The following PTPRD variants were observed in gnomAD, a reference collection of about 807,000 sequenced individuals.
PTPRD encodes receptor-type tyrosine-protein phosphatase delta.
A neutral mutation model predicts 214.5 loss-of-function variants in PTPRD; 34 were observed. That is an observed-to-expected ratio of 0.16 (90% CI 0.12 to 0.21). PTPRD has a LOEUF of 0.21. Among genes scored for constraint, PTPRD ranks in the 10% least tolerant of loss-of-function variants. PTPRD has a pLI of 1.00. For missense variants in PTPRD, 2,545 were observed against 2,398.7 expected (o/e 1.06, Z -1.27); for synonymous variants, 1,128 against 845.7 (o/e 1.33, Z -5.79).
intron 3 of PTPRD, among the ~76,000 whole-genome samples, chr9:10,214,433 T>C (rs1159761201): frequency 6.7e-6 from 1 of 149,764 alleles, no homozygotes; most frequent in East Asian, 2.0e-4. Flanking sequence ...CCAACTATTT[T>C]TTTTTTTTTT....
At chr9:10,356,053 T>G (rs1216647793) in intron 2 of PTPRD, among the ~76,000 whole-genome samples, 1 of 152,132 alleles carries the variant, frequency 6.6e-6, no homozygotes, top group African/African-American at 2.4e-5. Flanking sequence ...TTAGTTCATT[T>G]GATTTCCATT....
At chr9:8,463,190 C>T (rs1272753458) in intron 32 of PTPRD, among the ~76,000 whole-genome samples, 1 of 150,982 alleles carries the variant, frequency 6.6e-6, no homozygotes, top group African/African-American at 2.4e-5. Context: ...GTATACTACT[C>T]TTCTCTCTCA....
intron 11 of PTPRD, among the ~76,000 whole-genome samples, chr9:8,993,563 A>G (rs1045798677): frequency 3.3e-5 from 5 of 152,148 alleles, no homozygotes; most frequent in South Asian, 2.1e-4. Context: ...ATAGAATGCA[A>G]TGATATATTT....
intron 7 of PTPRD, among the ~76,000 whole-genome samples, chr9:9,718,165 A>G (rs112334101): frequency 6.6e-6 from 1 of 152,320 alleles, no homozygotes; most frequent in African/African-American, 2.4e-5. Flanking sequence ...TGAGTTATAC[A>G]TTGGCTTTCT....
intron 3 of PTPRD, among the ~76,000 whole-genome samples, chr9:10,058,023 G>A (rs775789666): frequency 6.6e-6 from 1 of 152,032 alleles, no homozygotes; most frequent in African/African-American, 2.4e-5. Context: ...TTAAAGGAGA[G>A]TATTCTTAAA....
intron 7 of PTPRD, among the ~76,000 whole-genome samples, chr9:9,689,652 C>T (rs1564559364): frequency 6.6e-6 from 1 of 151,828 alleles, no homozygotes; most frequent in Non-Finnish European, 1.5e-5. Context: ...CCCCTCTACT[C>T]TTCATGGCCT....
chr9:8,561,195 C>T (rs2086156961), intron 14 of PTPRD, among the ~76,000 whole-genome samples: 2 of 152,080 alleles, frequency 1.3e-5, no homozygotes, highest in Non-Finnish European at 2.9e-5. Flanking sequence ...ACTGTCCTGC[C>T]CACCTTTGAG....
chr9:8,468,573 T>G (rs1476027591), intron 31 of PTPRD, among the ~76,000 whole-genome samples: 1 of 151,936 alleles, frequency 6.6e-6, no homozygotes, highest in Admixed American at 6.6e-5. Context: ...TAATGCTGTT[T>G]GGAAAGCCTC....
intron 3 of PTPRD, among the ~76,000 whole-genome samples, chr9:10,309,907 G>C (rs942914541): frequency 1.3e-4 from 19 of 151,968 alleles, no homozygotes; most frequent in Non-Finnish European, 8.8e-5. Flanking sequence ...CTTATCACTT[G>C]GTATCACTGA....
chr9:8,608,069 T>C lies in PTPRD; in HGVS notation c.352+25248A>G, dbSNP rs75980817. On this transcript the variant is annotated intron_variant, in intron 14 of 45. Transcript: ENST00000381196. ...ATCCGATAACCCAGTACACTGTTTT[T>C]CCATTATTCAATTCCGCATATAGCT... 7.3e-3 allele frequency among the ~76,000 whole-genome samples: 1,118 copies of C among 152,260 alleles called. 10 individuals carry two copies. The highest frequency in any genetic ancestry group is 0.026 in the African/African-American group (1,079 of 41,546).
At chr9:8,521,190 T>C (rs535947709) in intron 20 of PTPRD, 87 bp downstream of exon 20, 16 of 1,419,628 alleles carry the variant, frequency 1.1e-5, no homozygotes, top group Non-Finnish European at 1.4e-5. Flanking sequence ...TGAATTATTT[T>C]AGATTTTCAA....
intron 2 of PTPRD, among the ~76,000 whole-genome samples, chr9:10,588,484 G>C (rs1448055268): frequency 1.4e-5 from 2 of 145,382 alleles, no homozygotes; most frequent in African/African-American, 5.1e-5. Context: ...AAACAAACCA[G>C]AAATAAATAT....
chr9:9,498,021 C>G (rs1189769837), intron 8 of PTPRD, among the ~76,000 whole-genome samples: 1 of 152,040 alleles, frequency 6.6e-6, no homozygotes, highest in African/African-American at 2.4e-5. Flanking sequence ...CCTGAGATAA[C>G]AGTTCCCAGT....
At chr9:9,344,167 G>T (rs1407261816) in intron 9 of PTPRD, among the ~76,000 whole-genome samples, 3 of 152,042 alleles carry the variant, frequency 2.0e-5, no homozygotes, top group Admixed American at 1.3e-4. Context: ...TTTTGTTCAA[G>T]TCCCTTGCAG....
chr9:10,228,227 C>T (rs186363519), intron 3 of PTPRD, among the ~76,000 whole-genome samples: 1 of 152,060 alleles, frequency 6.6e-6, no homozygotes, highest in East Asian at 1.9e-4. Flanking sequence ...AATGACTGTA[C>T]AAGTAATGGG....
chr9:10,068,121 G>T (rs1401150002), intron 3 of PTPRD, among the ~76,000 whole-genome samples: 1 of 151,856 alleles, frequency 6.6e-6, no homozygotes, highest in Non-Finnish European at 1.5e-5. Context: ...ACACATCTAG[G>T]AACACTGAGT....
intron 9 of PTPRD, among the ~76,000 whole-genome samples, chr9:9,387,894 G>A (rs539215545): frequency 2.0e-5 from 3 of 152,108 alleles, no homozygotes; most frequent in Non-Finnish European, 4.4e-5. Context: ...TACAGCTGAA[G>A]CCCCAGTGGG....
intron 9 of PTPRD, among the ~76,000 whole-genome samples, chr9:9,359,112 C>T (rs2054996641): frequency 6.6e-6 from 1 of 151,334 alleles, no homozygotes; most frequent in Admixed American, 6.6e-5. Flanking sequence ...TCAGAGTCAA[C>T]AGATGTTGAC....
At chr9:10,385,937 C>T (rs1672486927) in intron 2 of PTPRD, among the ~76,000 whole-genome samples, 1 of 151,790 alleles carries the variant, frequency 6.6e-6, no homozygotes, top group South Asian at 2.1e-4. Context: ...CAAAAAATCA[C>T]ATATTCTGTT....
Sources: allele counts gnomAD v4.1 joint callset (sites outside exome capture counted in the v4.1 genomes callset), GRCh38; gene constraint gnomAD v4.1.1; transcripts MANE v1.5; gene names NCBI Gene and HGNC (gene_info 2026-07-23, HGNC 2026-07-21).